The following ADAM22 variants were observed in gnomAD, a reference collection of about 807,000 sequenced individuals.
The protein encoded by ADAM22 is ADAM metallopeptidase domain 22.
Under a neutral mutation model 144.6 loss-of-function variants are expected in ADAM22, and 65 were observed. The ratio of observed to expected loss-of-function variants is 0.45; its 90% CI spans 0.37 to 0.55. The LOEUF is 0.55. Ranked by LOEUF, ADAM22 falls within the 20% of genes least tolerant of loss-of-function variation. ADAM22 has a pLI of 0.00. For synonymous variants in ADAM22, 391 were observed against 412.6 expected, an observed-to-expected ratio of 0.95 and a Z score of 0.63; for missense variants, 974 against 1,184.9, an observed-to-expected ratio of 0.82 and a Z score of 2.61.
intron 2 of ADAM22, among the ~76,000 whole-genome samples, chr7:87,973,773 C>T (rs867150706): frequency 9.9e-5 from 15 of 152,196 alleles, no homozygotes; most frequent in African/African-American, 2.4e-4. Flanking sequence ...AAATGATGAG[C>T]TCATGTCCTT....
chr7:87,964,655 G>C, intron 2 of ADAM22: 1 of 428,604 alleles, frequency 2.3e-6, no homozygotes, highest in Non-Finnish European at 4.6e-6. Context: ...TTTGAAGTCA[G>C]AATCCCAGAA....
At chr7:87,954,724 A>G (rs1207149559) in intron 2 of ADAM22, among the ~76,000 whole-genome samples, 1 of 152,166 alleles carries the variant, frequency 6.6e-6, no homozygotes, top group Non-Finnish European at 1.5e-5. Flanking sequence ...CCTGGATAAT[A>G]TCCTGCAGAG....
At chr7:88,180,679 A>G (rs1368513036) in intron 27 of ADAM22, among the ~76,000 whole-genome samples, 1 of 152,186 alleles carries the variant, frequency 6.6e-6, no homozygotes, top group Admixed American at 6.6e-5. Context: ...TAAAATATCC[A>G]TTTGAATAAT....
chr7:87,998,873 G>C (rs900361363), intron 3 of ADAM22, among the ~76,000 whole-genome samples: 1 of 152,152 alleles, frequency 6.6e-6, no homozygotes, highest in Admixed American at 6.5e-5. Flanking sequence ...CACTTAGCAT[G>C]AACATCATTT....
intron 3 of ADAM22, among the ~76,000 whole-genome samples, chr7:87,980,077 C>T (rs1852936997): frequency 6.6e-6 from 1 of 152,122 alleles, no homozygotes; most frequent in South Asian, 2.1e-4. Context: ...ACTTTCTTTT[C>T]CTGAAGGAGA....
At chr7:88,149,900 T>C (rs765437956) in intron 18 of ADAM22, among the ~76,000 whole-genome samples, 9 of 152,190 alleles carry the variant, frequency 5.9e-5, no homozygotes, top group Non-Finnish European at 1.2e-4. Flanking sequence ...CTTTATGATA[T>C]AGAGTGAGCA....
At chr7:88,091,801 C>G (rs186912078) in intron 4 of ADAM22, among the ~76,000 whole-genome samples, 11 of 152,140 alleles carry the variant, frequency 7.2e-5, no homozygotes, top group Non-Finnish European at 1.5e-4. Flanking sequence ...TAATTACAGC[C>G]CTTCTACAAT....
chr7:88,115,075 G>A (rs371808765), intron 6 of ADAM22, among the ~76,000 whole-genome samples: 18 of 151,694 alleles, frequency 1.2e-4, no homozygotes, highest in East Asian at 1.9e-4. Context: ...GTGAAACCCC[G>A]TCTCTACTAA....
chr7:88,037,963 G>C (rs116050442), intron 3 of ADAM22, among the ~76,000 whole-genome samples: 1,604 of 152,214 alleles, frequency 0.011, 31 homozygotes, highest in African/African-American at 0.036. Flanking sequence ...TTCTGAACTT[G>C]TATCTCATAA....
intron 2 of ADAM22, among the ~76,000 whole-genome samples, chr7:87,973,091 C>G (rs375078796): frequency 8.0e-4 from 122 of 152,186 alleles, no homozygotes; most frequent in Non-Finnish European, 1.2e-3. Context: ...ATTGACAAAT[C>G]GGATCTAATT....
At chr7:87,973,747 A>C (rs7809391) in intron 2 of ADAM22, among the ~76,000 whole-genome samples, 78,940 of 151,910 alleles carry the variant, frequency 0.52, 20,788 homozygotes, top group Non-Finnish European at 0.53. Flanking sequence ...ACCATGGAAT[A>C]CTATGCAGCC....
intron 4 of ADAM22, among the ~76,000 whole-genome samples, chr7:88,086,490 C>A (rs543009746): frequency 9.9e-4 from 151 of 152,148 alleles, no homozygotes; most frequent in African/African-American, 3.5e-3. Flanking sequence ...TCAAAGGTTA[C>A]AAAAATAAAG....
chr7:88,038,280 A>C (rs1278021983), intron 3 of ADAM22, among the ~76,000 whole-genome samples: 1 of 152,152 alleles, frequency 6.6e-6, no homozygotes, highest in African/African-American at 2.4e-5. Flanking sequence ...CAATGAGCTA[A>C]ATTTATTACA....
chr7:87,975,722 G>C (rs1426083887), intron 2 of ADAM22, among the ~76,000 whole-genome samples: 2 of 152,154 alleles, frequency 1.3e-5, no homozygotes, highest in African/African-American at 4.8e-5. Flanking sequence ...AATCCAAGCT[G>C]TAATCATGAT....
Position 88,118,661 on chromosome 7 carries a change from A to C in ADAM22, c.607+1847A>C, listed in dbSNP as rs1332059031. Among the ~76,000 whole-genome samples, 35 of 150,210 alleles carry C rather than the reference A, an allele frequency of 2.3e-4. No individual in the cohort carries two copies. In the South Asian group the frequency reaches 5.4e-3, roughly 23 times the overall value. On this transcript the variant is annotated intron_variant, in intron 7 of 31. Coordinates refer to ENST00000413139, the MANE Select transcript of ADAM22 (RefSeq NM_001324418.2). ...TATATATCTATCTATCTATCTATAT[A>C]TATATATATCTTTTTTTTTTTTGAG...
At chr7:88,025,882 TG>T (rs770179427) in intron 3 of ADAM22, among the ~76,000 whole-genome samples, 14 of 152,242 alleles carry the variant, frequency 9.2e-5, no homozygotes, top group Non-Finnish European at 1.9e-4. Flanking sequence ...ATTTTAGGAT[TG>T]TTTTTACTAT....
intron 3 of ADAM22, among the ~76,000 whole-genome samples, chr7:88,074,398 A>G (rs991280721): frequency 1.3e-5 from 2 of 152,206 alleles, no homozygotes; most frequent in East Asian, 3.9e-4. Context: ...AGCAAAATAT[A>G]TACTGAAAAT....
In ADAM22 at chr7:87,934,542, G is replaced by A. The variant is rs532748835; in HGVS notation, c.77G>A (p.Gly26Asp). 1.9e-6 allele frequency: 3 copies of A among 1,607,632 alleles called. No homozygotes were observed. The highest frequency in any genetic ancestry group is 1.7e-5 in the Admixed American group (1 of 59,892). The change falls in exon 1 of 32, where the codon GGC becomes GAC. Residue 26 changes from glycine to aspartate, a missense_variant. Gly to Asp is a moderately conservative substitution (Grantham distance 94). Around this residue, in one of 2 missense-constraint regions of ADAM22, gnomAD observed 240 missense variants for 234.3 expected, o/e 1.02. Transcript: ENST00000413139. ...VLGTCPPARC[G>D]QAGDASLMEL... ...GGGACCTGCCCTCCGGCGCGCTGCG[G>A]CCAGGCAGGTAAGTTAGCCGTCCTC... is the stretch of plus-strand genomic sequence containing the variant.
Position 88,132,854 on chromosome 7 carries a change from C to T in ADAM22, c.993-13C>T, listed in dbSNP as rs1354132213. 1.2e-6 allele frequency: 2 copies of T among 1,611,686 alleles called. No individual in the cohort carries two copies. Among genetic ancestry groups the T allele is most frequent in the African/African-American group, 1.3e-5 (1 of 74,848 alleles). Reference sequence around the variant, plus strand: ...TGTGAACAGTAAGCATTTTTCATTTCCTTTTCTAAAAGGGGAAGTCAATTT... The same window carrying T: ...TGTGAACAGTAAGCATTTTTCATTTTCTTTTCTAAAAGGGGAAGTCAATTT... On this transcript the variant is annotated splice_polypyrimidine_tract_variant and intron_variant, in intron 11 of 31. Coordinates refer to ENST00000413139, the MANE Select transcript of ADAM22 (RefSeq NM_001324418.2).
Sources: gnomAD v4.1 joint callset for allele counts (sites outside exome capture counted in the v4.1 genomes callset) on GRCh38, gnomAD v4.1.1 for gene constraint, gnomAD v4.1.1 regional missense constraint, MANE v1.5 for transcripts, NCBI Gene and HGNC (gene_info 2026-07-23, HGNC 2026-07-21) for gene names.